CADPS2: variants seen among roughly 807,000 people sequenced by gnomAD.
CADPS2 encodes calcium dependent secretion activator 2, also known as calcium-dependent secretion activator 2.
A neutral mutation model predicts 172.5 loss-of-function variants in CADPS2; 93 were observed. The ratio of observed to expected loss-of-function variants is 0.54; its 90% CI spans 0.46 to 0.64. CADPS2 has a LOEUF of 0.64. Ranked by LOEUF, CADPS2 falls within the 30% of genes least tolerant of loss-of-function variation. The pLI is 0.00. For missense variants in CADPS2, 1,420 were observed against 1,565.9 expected (o/e 0.91, Z 1.57); for synonymous variants, 546 against 555.2 (o/e 0.98, Z 0.23).
At chr7:122,696,037 T>C (rs768116670) in intron 2 of CADPS2, among the ~76,000 whole-genome samples, 8 of 152,166 alleles carry the variant, frequency 5.3e-5, no homozygotes, top group Non-Finnish European at 1.0e-4. Context: ...GATGCATTCA[T>C]TGTCATAGCT....
intron 1 of CADPS2, among the ~76,000 whole-genome samples, chr7:122,817,275 A>G (rs1418517277): frequency 6.6e-6 from 1 of 152,192 alleles, no homozygotes; most frequent in East Asian, 1.9e-4. Context: ...CTACAACCTC[A>G]GGTCCTCAGA....
At chr7:122,844,389 TC>T (rs1325077290) in intron 1 of CADPS2, among the ~76,000 whole-genome samples, 1 of 152,232 alleles carries the variant, frequency 6.6e-6, no homozygotes, top group South Asian at 2.1e-4. Flanking sequence ...AAATCAGGAT[TC>T]TTTGTTCACT....
intron 7 of CADPS2, among the ~76,000 whole-genome samples, chr7:122,560,698 C>A (rs1333866285): frequency 6.6e-6 from 1 of 152,182 alleles, no homozygotes; most frequent in Non-Finnish European, 1.5e-5. Flanking sequence ...CCTATCTCTA[C>A]AAGAAACCTT....
intron 27 of CADPS2, among the ~76,000 whole-genome samples, chr7:122,352,703 A>G (rs976042007): frequency 1.3e-5 from 2 of 152,200 alleles, no homozygotes; most frequent in African/African-American, 4.8e-5. Flanking sequence ...TAAAGCTCCG[A>G]GTATTCAGGT....
chr7:122,335,318 T>TGCAA (rs1169977882), intron 28 of CADPS2, among the ~76,000 whole-genome samples: 1 of 152,152 alleles, frequency 6.6e-6, no homozygotes, highest in Admixed American at 6.5e-5. Flanking sequence ...GACACAATCT[T>TGCAA]GGCTCACTGC....
intron 8 of CADPS2, among the ~76,000 whole-genome samples, chr7:122,533,444 C>G (rs568645585): frequency 6.6e-6 from 1 of 152,174 alleles, no homozygotes; most frequent in South Asian, 2.1e-4. Context: ...TAAATGTACA[C>G]CCATGGTCTT....
intron 1 of CADPS2, among the ~76,000 whole-genome samples, chr7:122,884,444 T>C (rs6947532): frequency 0.14 from 21,142 of 152,102 alleles, 1,586 homozygotes; most frequent in Middle Eastern, 0.23. Flanking sequence ...GTAATGGTGG[T>C]TTTAACTGTG....
chr7:122,462,507 C>A (rs1256708970), intron 14 of CADPS2, among the ~76,000 whole-genome samples: 1 of 152,088 alleles, frequency 6.6e-6, no homozygotes, highest in African/African-American at 2.4e-5. Flanking sequence ...ATGTGATTTA[C>A]TTTTATTAAT....
intron 6 of CADPS2, among the ~76,000 whole-genome samples, chr7:122,614,835 T>C (rs2074714551): frequency 1.3e-5 from 2 of 152,200 alleles, no homozygotes; most frequent in South Asian, 4.1e-4. Flanking sequence ...TATTATACAA[T>C]TCTCAGAACT....
intron 2 of CADPS2, among the ~76,000 whole-genome samples, chr7:122,719,487 AG>A (rs577204888): frequency 1.7e-3 from 259 of 152,280 alleles, no homozygotes; most frequent in African/African-American, 5.6e-3. Context: ...TGAAAAACAA[AG>A]GCATGCTGGG....
chr7:122,762,650 A>G (rs1012545388), intron 1 of CADPS2, among the ~76,000 whole-genome samples: 3 of 152,168 alleles, frequency 2.0e-5, no homozygotes, highest in Non-Finnish European at 4.4e-5. Flanking sequence ...CTCTCTCAAG[A>G]AAGAGGATAA....
intron 8 of CADPS2, among the ~76,000 whole-genome samples, chr7:122,526,068 T>C (rs956456497): frequency 1.3e-5 from 2 of 152,220 alleles, no homozygotes; most frequent in Non-Finnish European, 2.9e-5. Flanking sequence ...CTCTTGTTCT[T>C]GCTAAACTTT....
Position 122,663,345 on chromosome 7 carries a change from T to C in CADPS2, c.678A>G (p.Leu226=). ...DLCKQPNRMA[L]SAVSELILSK... is the part of the protein sequence containing the mutation. ...TCAGAATAAGTTCAGACACTGCACT[T>C]AGGGCCATTCTATTTGGCTGTTTGC... is the stretch of plus-strand genomic sequence containing the variant. The change falls in exon 3 of 30, where the codon CTA becomes CTG. Residue 226 remains leucine, a synonymous_variant. Coordinates refer to ENST00000449022, the MANE Select transcript of CADPS2 (RefSeq NM_017954.11). 6.2e-7 allele frequency: 1 copy of C among 1,613,964 alleles called. No individual in the cohort carries two copies. The highest frequency in any genetic ancestry group is 8.5e-7 in the Non-Finnish European group (1 of 1,179,868).
intron 27 of CADPS2, among the ~76,000 whole-genome samples, chr7:122,352,146 C>G (rs1384695185): frequency 6.6e-6 from 1 of 152,134 alleles, no homozygotes; most frequent in Non-Finnish European, 1.5e-5. Context: ...AGAGGAATAG[C>G]TGCTAATACA....
chr7:122,845,243 T>G (rs17145014), intron 1 of CADPS2, among the ~76,000 whole-genome samples: 30,341 of 152,076 alleles, frequency 0.2, 3,152 homozygotes, highest in Middle Eastern at 0.3. Context: ...GGGCCCAGGT[T>G]TGTGTGTGCT....
At chr7:122,811,509 C>T (rs1253982603) in intron 1 of CADPS2, among the ~76,000 whole-genome samples, 2 of 151,890 alleles carry the variant, frequency 1.3e-5, no homozygotes, top group African/African-American at 2.4e-5. Flanking sequence ...ACATATTATG[C>T]CATTTATTTT....
chr7:122,440,020 C>T (rs1030239058), intron 16 of CADPS2: 21 of 152,140 alleles, frequency 1.4e-4, no homozygotes, highest in Non-Finnish European at 2.4e-4. Flanking sequence ...ACCTCGATTT[C>T]CTGCTGCATC....
At chr7:122,590,836 T>C (rs1353719740) in intron 6 of CADPS2, among the ~76,000 whole-genome samples, 1 of 151,978 alleles carries the variant, frequency 6.6e-6, no homozygotes, top group Non-Finnish European at 1.5e-5. Context: ...AATTTTATTA[T>C]AAACAAATAC....
intron 28 of CADPS2, among the ~76,000 whole-genome samples, chr7:122,341,428 G>A (rs1201842019): frequency 6.6e-6 from 1 of 152,092 alleles, no homozygotes; most frequent in Non-Finnish European, 1.5e-5. Flanking sequence ...AAATCATCTG[G>A]AGTTCCAGAC....
Sources: gnomAD v4.1 joint callset for allele counts (sites outside exome capture counted in the v4.1 genomes callset) on GRCh38, gnomAD v4.1.1 for gene constraint, MANE v1.5 for transcripts, NCBI Gene and HGNC (gene_info 2026-07-23, HGNC 2026-07-21) for gene names.